PCDHGB5: variants seen among roughly 807,000 people sequenced by gnomAD.
The protein encoded by PCDHGB5 is protocadherin gamma subfamily B, 5, also known as protocadherin gamma-B5.
Under a neutral mutation model 62.9 loss-of-function variants are expected in PCDHGB5, and 48 were observed. The ratio of observed to expected loss-of-function variants is 0.76; its 90% CI spans 0.61 to 0.97. The LOEUF (loss-of-function observed/expected upper bound fraction) is 0.97, where lower values mean the gene tolerates loss of function less well. PCDHGB5 is among the 50% of genes least tolerant of loss of function. The pLI is 0.00. For synonymous variants in PCDHGB5, 474 were observed against 511.2 expected, an observed-to-expected ratio of 0.93 and a Z score of 0.98; for missense variants, 1,118 against 1,198.6, an observed-to-expected ratio of 0.93 and a Z score of 0.99.
chr5:141,419,216 G>C, intron 1 of PCDHGB5: 3 of 1,613,886 alleles, frequency 1.9e-6, no homozygotes, highest in Admixed American at 1.7e-5. Flanking sequence ...GCCGGTTTTC[G>C]GACAGTCAGC....
chr5:141,399,515 C>T lies in PCDHGB5; in HGVS notation c.1388C>T (p.Pro463Leu), dbSNP rs748098945. 1 of 1,614,040 alleles carries T rather than the reference C, an allele frequency of 6.2e-7. No individual in the cohort carries two copies. Among genetic ancestry groups the T allele is most frequent in the African/African-American group, 1.3e-5 (1 of 75,084 alleles). ...GTCAGTGTACCCGAAAACAACCCTCCTGGGGCCTCCATCGCGCAAGTCTGC... is the reference window on the plus strand; with the variant it reads ...GTCAGTGTACCCGAAAACAACCCTCTTGGGGCCTCCATCGCGCAAGTCTGC... ...YLVSVPENNP[P>L]GASIAQVCAS... The change falls in exon 1 of 4, where the codon CCT (proline) becomes CTT (leucine). Residue 463 changes from proline (P) to leucine (L), a missense_variant. Pro to Leu is a moderately conservative substitution (Grantham distance 98). Coordinates refer to ENST00000617380, the MANE Select transcript of PCDHGB5 (RefSeq NM_018925.3).
At chr5:141,494,305 C>T (rs544773836) in intron 1 of PCDHGB5, among the ~76,000 whole-genome samples, 1 of 152,346 alleles carries the variant, frequency 6.6e-6, no homozygotes, top group East Asian at 1.9e-4. Context: ...GAATGTGTCA[C>T]TGCACAACCT....
chr5:141,421,569 C>T (rs1029858235), intron 1 of PCDHGB5: 2 of 1,613,884 alleles, frequency 1.2e-6, no homozygotes, highest in Non-Finnish European at 1.7e-6. Flanking sequence ...TGGAAGACAC[C>T]TTGAAGATTT....
intron 1 of PCDHGB5, among the ~76,000 whole-genome samples, chr5:141,453,574 G>T (rs1285296493): frequency 6.6e-6 from 1 of 152,084 alleles, no homozygotes; most frequent in Non-Finnish European, 1.5e-5. Context: ...TCATTAGTTT[G>T]TGGTTTATCC....
intron 1 of PCDHGB5, chr5:141,423,443 C>A: frequency 6.2e-7 from 1 of 1,613,998 alleles, no homozygotes; most frequent in Non-Finnish European, 8.5e-7. Flanking sequence ...ATGCCCACGT[C>A]ACATTTTGTA....
intron 1 of PCDHGB5, among the ~76,000 whole-genome samples, chr5:141,437,886 C>T (rs763669578): frequency 1.1e-4 from 17 of 152,140 alleles, no homozygotes; most frequent in Non-Finnish European, 1.5e-4. Context: ...TACAGGCACA[C>T]GCCACCACAC....
chr5:141,496,338 G>A (rs1011495959), intron 2 of PCDHGB5, among the ~76,000 whole-genome samples: 5 of 152,230 alleles, frequency 3.3e-5, no homozygotes, highest in African/African-American at 9.6e-5. Flanking sequence ...TCAGGAGCCT[G>A]GAGGAGTCTC....
intron 1 of PCDHGB5, among the ~76,000 whole-genome samples, chr5:141,494,496 T>A (rs147870810): frequency 2.9e-3 from 442 of 152,264 alleles, no homozygotes; most frequent in Non-Finnish European, 4.9e-3. Flanking sequence ...ATGCCTTCAG[T>A]CCTTGAATTT....
chr5:141,470,708 A>T (rs1293545270), intron 1 of PCDHGB5, among the ~76,000 whole-genome samples: 1 of 151,804 alleles, frequency 6.6e-6, no homozygotes. Flanking sequence ...TTTTTATTTT[A>T]TTTTTTTGAG....
At chr5:141,502,542 A>G (rs2099814957) in intron 2 of PCDHGB5, among the ~76,000 whole-genome samples, 1 of 152,216 alleles carries the variant, frequency 6.6e-6, no homozygotes, top group Admixed American at 6.5e-5. Context: ...TTCGTGTGGT[A>G]AAAACAGTGT....
chr5:141,499,689 C>CTTTT (rs545067566), intron 2 of PCDHGB5, among the ~76,000 whole-genome samples: 17 of 119,848 alleles, frequency 1.4e-4, no homozygotes, highest in East Asian at 2.4e-4. Context: ...TAACAGATGA[C>CTTTT]TTTTTTTTTT....
intron 1 of PCDHGB5, chr5:141,423,265 G>T: frequency 6.2e-7 from 1 of 1,613,666 alleles, no homozygotes; most frequent in Non-Finnish European, 8.5e-7. Flanking sequence ...CGGCAGCCTC[G>T]AGTCTCTGGC....
At position 141,476,746 on chromosome 5, in the gene PCDHGB5, C is replaced by A; in HGVS notation, c.2398-18061C>A. 1 of 1,614,068 alleles carries A rather than the reference C, an allele frequency of 6.2e-7. No homozygotes were observed. On this transcript the variant is annotated intron_variant, in intron 1 of 3. Transcript: ENST00000617380. The surrounding 1 kb of genome is among the most constrained non-coding windows in gnomAD (Gnocchi z 7.6). ...TGGACCGAGAACGGGAGCCTAGTCT[C>A]CAGTTAGTGCTGACGGCGTTGGACG...
intron 1 of PCDHGB5, chr5:141,421,189 C>T: frequency 1.4e-6 from 2 of 1,477,674 alleles, no homozygotes; most frequent in South Asian, 2.7e-5. Flanking sequence ...CACAACCAAC[C>T]AGCTCGAGAA....
At chr5:141,437,205 A>G (rs1561884114) in intron 1 of PCDHGB5, among the ~76,000 whole-genome samples, 1 of 152,202 alleles carries the variant, frequency 6.6e-6, no homozygotes, top group African/African-American at 2.4e-5. Context: ...ATGTGTTTAC[A>G]TTTATTCTGA....
rs1449605701 is a variant in PCDHGB5 at position 141,485,191 on chromosome 5, A to C, written c.2398-9616A>C. ...CGGCAGCAATGCTCCGCAAGGTGAG[A>C]AGCTGGACAGAAATCTGGCGGTGGG... is the stretch of plus-strand genomic sequence containing the variant. On this transcript the variant is annotated intron_variant, in intron 1 of 3. Coordinates refer to ENST00000617380, the MANE Select transcript of PCDHGB5 (RefSeq NM_018925.3). This position sits in a 1 kb window ranked among gnomAD's most constrained non-coding sequence, Gnocchi z 5.7. The C allele has an allele frequency of 6.2e-7, 1 of 1,613,836 alleles. No individual in the cohort carries two copies. The highest frequency in any genetic ancestry group is 1.3e-5 in the African/African-American group (1 of 75,042).
At chr5:141,430,661 G>A in intron 1 of PCDHGB5, 1 of 1,159,744 alleles carries the variant, frequency 8.6e-7, no homozygotes, top group South Asian at 2.1e-5. Context: ...CAACGGAGGA[G>A]CTCTGACTTC....
chr5:141,498,848 G>A (rs930895553), intron 2 of PCDHGB5, among the ~76,000 whole-genome samples: 3 of 151,908 alleles, frequency 2.0e-5, no homozygotes, highest in Non-Finnish European at 4.4e-5. Context: ...CAGGGGAATC[G>A]CTTGAACCCA....
intron 1 of PCDHGB5, chr5:141,403,345 A>C (rs1267522141): frequency 1.2e-6 from 2 of 1,614,050 alleles, no homozygotes; most frequent in South Asian, 2.2e-5. Context: ...ACAGCGCCCC[A>C]AAGTTCCAGG....
Sources: allele counts gnomAD v4.1 joint callset (sites outside exome capture counted in the v4.1 genomes callset), GRCh38; gene constraint gnomAD v4.1.1; non-coding constraint Gnocchi (gnomAD v3.1); transcripts MANE v1.5; gene names NCBI Gene and HGNC (gene_info 2026-07-23, HGNC 2026-07-21).